DTWD2: variants seen among roughly 807,000 people sequenced by gnomAD.
DTWD2 encodes the protein DTW motif tRNA-uridine aminocarboxypropyltransferase 2, also known as tRNA-uridine aminocarboxypropyltransferase 2.
In DTWD2, 39 loss-of-function variants were observed where a neutral mutation model predicts 31.8. The observed-to-expected ratio is 1.22, with a 90% CI of 0.95 to 1.60. The LOEUF (loss-of-function observed/expected upper bound fraction) is 1.60, where lower values mean the gene tolerates loss of function less well. Ranked by LOEUF, DTWD2 falls within the 40% of genes most tolerant of loss-of-function variation. The pLI is 0.00. For synonymous variants in DTWD2, 180 were observed against 142.8 expected (o/e 1.26, Z -1.86); for missense variants, 515 against 381.5 (o/e 1.35, Z -2.92).
At chr5:118,892,988 G>A (rs1753005950) in intron 4 of DTWD2, among the ~76,000 whole-genome samples, 1 of 151,762 alleles carries the variant, frequency 6.6e-6, no homozygotes, top group Non-Finnish European at 1.5e-5. Context: ...GAACAGATAT[G>A]GGAGTGGTTA....
At chr5:118,951,940 C>T (rs1754474591) in intron 1 of DTWD2, among the ~76,000 whole-genome samples, 1 of 152,200 alleles carries the variant, frequency 6.6e-6, no homozygotes, top group South Asian at 2.1e-4. Flanking sequence ...CTTCCCAAGT[C>T]TGTGACTGGC....
intron 5 of DTWD2, among the ~76,000 whole-genome samples, chr5:118,843,516 T>C (rs1487689221): frequency 6.6e-6 from 1 of 152,188 alleles, no homozygotes; most frequent in Admixed American, 6.5e-5. Flanking sequence ...AATAACTATA[T>C]ATGACTTTAC....
intron 1 of DTWD2, among the ~76,000 whole-genome samples, chr5:118,981,066 G>GA (rs1285728344): frequency 2.0e-5 from 3 of 152,124 alleles, no homozygotes; most frequent in African/African-American, 7.2e-5. Context: ...GATGGACCTT[G>GA]AAAACATTAT....
chr5:118,886,034 T>C (rs1752860454), intron 4 of DTWD2, among the ~76,000 whole-genome samples: 1 of 152,176 alleles, frequency 6.6e-6, no homozygotes, highest in Non-Finnish European at 1.5e-5. Flanking sequence ...AAAGGGGACC[T>C]TGGGGGAACT....
chr5:118,864,611 G>A (rs1752342421), intron 4 of DTWD2, among the ~76,000 whole-genome samples: 1 of 148,534 alleles, frequency 6.7e-6, no homozygotes, highest in Non-Finnish European at 1.5e-5. Context: ...GGGAGATAGG[G>A]GCCCTATCTT....
At chr5:118,981,118 T>C (rs996294673) in intron 1 of DTWD2, among the ~76,000 whole-genome samples, 13 of 152,172 alleles carry the variant, frequency 8.5e-5, no homozygotes, top group Admixed American at 7.9e-4. Flanking sequence ...AAATATATGA[T>C]TCCACTTAAA....
At chr5:118,868,210 A>G (rs138219104) in intron 4 of DTWD2, among the ~76,000 whole-genome samples, 1 of 152,144 alleles carries the variant, frequency 6.6e-6, no homozygotes, top group African/African-American at 2.4e-5. Flanking sequence ...AGATACCCAC[A>G]TGCAAAAGAA....
At chr5:118,892,175 C>T (rs1159336417) in intron 4 of DTWD2, among the ~76,000 whole-genome samples, 1 of 151,988 alleles carries the variant, frequency 6.6e-6, no homozygotes, top group African/African-American at 2.4e-5. Context: ...CATTAGGAAG[C>T]TCAATTTTAA....
intron 4 of DTWD2, among the ~76,000 whole-genome samples, chr5:118,915,414 GC>G (rs1321335803): frequency 7.0e-6 from 1 of 143,226 alleles, no homozygotes; most frequent in Non-Finnish European, 1.5e-5. Flanking sequence ...TCGCTCTGTC[GC>G]CCAGGCTGGA....
At chr5:118,969,073 G>A (rs980508161) in intron 1 of DTWD2, among the ~76,000 whole-genome samples, 1 of 152,162 alleles carries the variant, frequency 6.6e-6, no homozygotes, top group Non-Finnish European at 1.5e-5. Context: ...CCTCTAAGTG[G>A]GACCCTGCTT....
At chr5:118,893,443 G>A (rs893616249) in intron 4 of DTWD2, among the ~76,000 whole-genome samples, 1 of 151,038 alleles carries the variant, frequency 6.6e-6, no homozygotes, top group East Asian at 1.9e-4. Flanking sequence ...TCTGAAAAAT[G>A]CAATAGAGGA....
chr5:118,963,871 C>G (rs901310431), intron 1 of DTWD2, among the ~76,000 whole-genome samples: 12 of 152,148 alleles, frequency 7.9e-5, no homozygotes, highest in African/African-American at 2.9e-4. Flanking sequence ...AACCAACCTT[C>G]ATTCATTTTA....
intron 4 of DTWD2, among the ~76,000 whole-genome samples, chr5:118,887,671 G>A (rs868865774): frequency 5.9e-5 from 9 of 152,236 alleles, no homozygotes; most frequent in African/African-American, 1.9e-4. Context: ...CAGGACGGAG[G>A]GCAGGAGTGC....
chr5:118,984,262 C>T (rs1755371044), intron 1 of DTWD2, among the ~76,000 whole-genome samples: 1 of 151,684 alleles, frequency 6.6e-6, no homozygotes, highest in African/African-American at 2.4e-5. Flanking sequence ...GCACTGCAGC[C>T]TGGGCAACAA....
At chr5:118,885,751 A>T (rs906220604) in intron 4 of DTWD2, among the ~76,000 whole-genome samples, 8 of 151,424 alleles carry the variant, frequency 5.3e-5, no homozygotes, top group African/African-American at 1.7e-4. Context: ...GGGCAAAAAG[A>T]GTGAAACTCT....
At chr5:118,920,725 T>C (rs548178230) in intron 4 of DTWD2, among the ~76,000 whole-genome samples, 4 of 152,236 alleles carry the variant, frequency 2.6e-5, no homozygotes, top group Admixed American at 6.5e-5. Flanking sequence ...GCCAGGATAC[T>C]ACTTAGAAAT....
At chr5:118,891,952 G>A (rs913585396) in intron 4 of DTWD2, among the ~76,000 whole-genome samples, 20 of 151,942 alleles carry the variant, frequency 1.3e-4, no homozygotes, top group Admixed American at 5.2e-4. Flanking sequence ...AATATATCAC[G>A]TAAGTTATAT....
At chr5:118,906,589 T>C (rs951922466) in intron 4 of DTWD2, among the ~76,000 whole-genome samples, 1 of 152,110 alleles carries the variant, frequency 6.6e-6, no homozygotes, top group Non-Finnish European at 1.5e-5. Flanking sequence ...AATGAAGCCA[T>C]TAAGAGTACA....
chr5:118,975,778 C>T (rs573034599), intron 1 of DTWD2, among the ~76,000 whole-genome samples: 18 of 152,104 alleles, frequency 1.2e-4, no homozygotes, highest in Non-Finnish European at 2.5e-4. Flanking sequence ...AATACTGGAC[C>T]GATCAATGAG....
Sources: allele counts gnomAD v4.1 joint callset (sites outside exome capture counted in the v4.1 genomes callset), GRCh38; gene constraint gnomAD v4.1.1; transcripts MANE v1.5; gene names NCBI Gene and HGNC (gene_info 2026-07-23, HGNC 2026-07-21).